SAXO1: variants seen among roughly 807,000 people sequenced by gnomAD.
SAXO1 encodes the protein 4930500O09Rik.
In SAXO1, 21 loss-of-function variants were observed where a neutral mutation model predicts 17.5. That is an observed-to-expected ratio of 1.20 (90% confidence interval 0.85 to 1.72). SAXO1 has a LOEUF of 1.72. SAXO1 is among the 40% of genes most tolerant of loss of function. SAXO1 has a pLI of 0.00. For missense variants in SAXO1, 843 were observed against 596.0 expected (o/e 1.41, Z -4.32); for synonymous variants, 274 against 216.5 (o/e 1.27, Z -2.33).
At chr9:18,986,127 T>C (rs1406464220) in intron 1 of SAXO1, among the ~76,000 whole-genome samples, 3 of 152,240 alleles carry the variant, frequency 2.0e-5, no homozygotes, top group Admixed American at 2.0e-4. Flanking sequence ...TTTGGGTCCT[T>C]CTGTGATAAT....
chr9:19,033,517 G>T (rs369503596), upstream of SAXO1, among the ~76,000 whole-genome samples: 1 of 152,246 alleles, frequency 6.6e-6, no homozygotes, highest in South Asian at 2.1e-4. Flanking sequence ...CCCCCTCTTA[G>T]GGGAATACAG....
intron 1 of SAXO1, among the ~76,000 whole-genome samples, chr9:19,006,573 C>A (rs747035632): frequency 5.3e-5 from 8 of 152,164 alleles, no homozygotes; most frequent in Non-Finnish European, 1.0e-4. Flanking sequence ...GGCAAATTCA[C>A]AGACAGTAAG....
chr9:19,025,365 A>G (rs1056199090), intron 1 of SAXO1, among the ~76,000 whole-genome samples: 3 of 152,112 alleles, frequency 2.0e-5, no homozygotes, highest in Admixed American at 1.3e-4. Context: ...CAAGTCCTCA[A>G]TTTTTTTTCC....
intron 1 of SAXO1, among the ~76,000 whole-genome samples, chr9:18,984,231 T>C (rs917855788): frequency 6.6e-6 from 1 of 152,186 alleles, no homozygotes; most frequent in Non-Finnish European, 1.5e-5. Flanking sequence ...GCAGAGTAGA[T>C]TTTGCATACT....
intron 3 of SAXO1, among the ~76,000 whole-genome samples, chr9:18,937,802 T>C (rs112450532): frequency 4.5e-4 from 69 of 152,306 alleles, no homozygotes; most frequent in African/African-American, 1.6e-3. Flanking sequence ...GATCTTGAAC[T>C]TCCCAGCCTT....
At position 18,965,574 on chromosome 9, in the gene SAXO1, C is replaced by CTTT. The variant is rs57731971; in HGVS notation, c.39-14640_39-14638dup. On this transcript the variant is annotated intron_variant, in intron 1 of 3. Coordinates refer to ENST00000380534, the MANE Select transcript of SAXO1 (RefSeq NM_153707.4). The stretch of plus-strand genomic sequence containing the variant: ...TCAAAGACTAGGATTGCAACCCCTG[C>CTTT]TTTTTTTTTCTTTCCATTTGCTTGG... 2.1e-3 allele frequency among the ~76,000 whole-genome samples: 320 copies of CTTT among 150,612 alleles called. 1 individual carries two copies. Among genetic ancestry groups the CTTT allele is most frequent in the Middle Eastern group, 6.8e-3 (2 of 294 alleles).
At chr9:19,002,431 G>A (rs1834315184) in intron 1 of SAXO1, among the ~76,000 whole-genome samples, 1 of 152,158 alleles carries the variant, frequency 6.6e-6, no homozygotes, top group Admixed American at 6.5e-5. Context: ...GCCTGGCAGA[G>A]ACACAACAAA....
At chr9:18,957,200 T>C (rs569630445) in intron 1 of SAXO1, among the ~76,000 whole-genome samples, 5 of 152,274 alleles carry the variant, frequency 3.3e-5, no homozygotes, top group South Asian at 2.1e-4. Context: ...GACCAACAAA[T>C]AGATTTAACT....
At chr9:18,977,410 ACAACCT>A (rs1833193879) in intron 1 of SAXO1, among the ~76,000 whole-genome samples, 1 of 152,198 alleles carries the variant, frequency 6.6e-6, no homozygotes, top group African/African-American at 2.4e-5. Context: ...CATCTTCATT[ACAACCT>A]CATCAGATGC....
At chr9:19,015,390 C>A (rs1431181549) in intron 1 of SAXO1, among the ~76,000 whole-genome samples, 2 of 152,134 alleles carry the variant, frequency 1.3e-5, no homozygotes, top group Non-Finnish European at 2.9e-5. Flanking sequence ...GTCACCCAGG[C>A]TGGAGTGCAG....
At chr9:18,933,562 C>T (rs1831146686) in intron 3 of SAXO1, among the ~76,000 whole-genome samples, 1 of 152,142 alleles carries the variant, frequency 6.6e-6, no homozygotes. Flanking sequence ...TCCTTTAGTA[C>T]TTCTTGCAAG....
chr9:18,964,426 A>G (rs1832633256), intron 1 of SAXO1, among the ~76,000 whole-genome samples: 1 of 152,178 alleles, frequency 6.6e-6, no homozygotes, highest in Non-Finnish European at 1.5e-5. Context: ...TTGGTGGACT[A>G]TTAATTACTG....
intron 1 of SAXO1, among the ~76,000 whole-genome samples, chr9:18,975,568 C>G (rs1833113925): frequency 6.6e-6 from 1 of 152,212 alleles, no homozygotes; most frequent in Non-Finnish European, 1.5e-5. Context: ...TGTAACAAAG[C>G]TAGACCCTGA....
At chr9:18,951,757 G>T (rs1453763869) in intron 1 of SAXO1, among the ~76,000 whole-genome samples, 1 of 152,080 alleles carries the variant, frequency 6.6e-6, no homozygotes, top group South Asian at 2.1e-4. Flanking sequence ...CAAGCTCAGG[G>T]CCTTTATCAA....
chr9:18,943,505 C>T (rs979991788), intron 2 of SAXO1, among the ~76,000 whole-genome samples: 2 of 152,256 alleles, frequency 1.3e-5, no homozygotes, highest in East Asian at 3.9e-4. Flanking sequence ...AGTCCTTAGG[C>T]TACAAAGACA....
chr9:18,987,743 A>C (rs568915197), intron 1 of SAXO1, among the ~76,000 whole-genome samples: 5 of 152,204 alleles, frequency 3.3e-5, no homozygotes, highest in African/African-American at 1.2e-4. Context: ...TACAAAAAAA[A>C]ATAATTAGCT....
intron 1 of SAXO1, chr9:19,027,469 G>C: frequency 1.3e-6 from 1 of 783,162 alleles, no homozygotes; most frequent in South Asian, 1.4e-5. Context: ...GAACCACAAG[G>C]AGAAGTTTGA....
In SAXO1 at chr9:18,928,733, C is replaced by G; in HGVS notation, c.744G>C (p.Met248Ile). 1 of 1,614,116 alleles carries G rather than the reference C, an allele frequency of 6.2e-7. No individual in the cohort carries two copies. The highest frequency in any genetic ancestry group is 8.5e-7 in the Non-Finnish European group (1 of 1,180,030). ...TTQKQSYRGLMGEPAKSLKPL... is the reference protein window; with the variant it reads ...TTQKQSYRGLIGEPAKSLKPL... ...GTTTCAAGCTCTTGGCAGGCTCCCC[C>G]ATCAGGCCCCGGTAGGATTGTTTTT... Residue 248 changes from methionine (M) to isoleucine (I), a missense_variant, in exon 4 of 4, where the codon ATG becomes ATC. Transcript: ENST00000380534.
Position 19,033,044 on chromosome 9 carries a change from T to C in SAXO1, c.-136A>G. ...GTGTTCTGTTTACTCGAAGGAAAATTTAAGTGGCCCTTTTGCAATGTCCTG... is the reference window on the plus strand; with the variant it reads ...GTGTTCTGTTTACTCGAAGGAAAATCTAAGTGGCCCTTTTGCAATGTCCTG... On this transcript the variant is annotated 5_prime_UTR_variant, in exon 1 of 4. Transcript: ENST00000380534. 2.3e-6 allele frequency: 2 copies of C among 863,372 alleles called. No individual in the cohort carries two copies. Among genetic ancestry groups the C allele is most frequent in the South Asian group, 4.2e-5 (2 of 48,034 alleles). The allele number at this position is 863,372 out of a possible 1,614,324, so 53.5% of individuals were successfully genotyped here. A position where few individuals can be genotyped will look rare whatever the true frequency, so the allele number is the denominator to read the frequency against.
Sources: gnomAD v4.1 joint callset for allele counts (sites outside exome capture counted in the v4.1 genomes callset) on GRCh38, gnomAD v4.1.1 for gene constraint, MANE v1.5 for transcripts, NCBI Gene and HGNC (gene_info 2026-07-23, HGNC 2026-07-21) for gene names.